Variants in CYP2F1 observed in about 807,000 individuals in gnomAD.
CYP2F1 encodes the protein cytochrome P450 2F1.
CYP2F1 carries 33 observed loss-of-function variants against 40.4 expected under a neutral mutation model. The observed-to-expected ratio is 0.82, with a 90% CI of 0.62 to 1.09. The LOEUF (loss-of-function observed/expected upper bound fraction) is 1.09. CYP2F1 is among the 50% of genes least tolerant of loss of function. The pLI is 0.00. For synonymous variants in CYP2F1, 235 were observed against 277.2 expected (o/e 0.85, Z 1.51); for missense variants, 566 against 655.7 (o/e 0.86, Z 1.49).
chr19:41,123,239 C>T (rs1599680600), intron 7 of CYP2F1: 1 of 535,840 alleles, frequency 1.9e-6, no homozygotes, highest in East Asian at 4.5e-5. Flanking sequence ...GCTCTGTCAC[C>T]CAGGCTGGAG....
intron 9 of CYP2F1, among the ~76,000 whole-genome samples, chr19:41,127,092 G>C (rs2032574467): frequency 6.6e-6 from 1 of 152,188 alleles, no homozygotes; most frequent in South Asian, 2.1e-4. Flanking sequence ...GATTCCAGCA[G>C]GGTTTGCATC....
chr19:41,124,840 C>G lies in CYP2F1; in HGVS notation c.1086C>G (p.Ile362Met). The stretch of plus-strand genomic sequence containing the variant: ...ACGAGGTGCAGCGCTTTGCAGACAT[C>G]ATCCCCATGAACTTGCCGCACCGCG... ...VIHEVQRFAD[I>M]IPMNLPHRVT... The change falls in exon 8 of 10, where the codon ATC (isoleucine) becomes ATG (methionine). Residue 362 changes from isoleucine to methionine, a missense_variant. Coordinates refer to ENST00000331105, the MANE Select transcript of CYP2F1 (RefSeq NM_000774.5). 1 of 1,611,758 alleles carries G rather than the reference C, an allele frequency of 6.2e-7. No homozygotes were observed. The highest frequency in any genetic ancestry group is 8.5e-7 in the Non-Finnish European group (1 of 1,179,864).
In CYP2F1 at chr19:41,127,911, G is replaced by A. The variant is rs778708556; in HGVS notation, c.1305G>A (p.Leu435=). ...CTGCCACCCCTGCAGGGCGCCGTCTGTGCCTGGGAGAGTCGCTGGCGCGCA... is the reference window on the plus strand; with the variant it reads ...CTGCCACCCCTGCAGGGCGCCGTCTATGCCTGGGAGAGTCGCTGGCGCGCA... ...AFMPFSAGRR[L]CLGESLARME... is the part of the protein sequence containing the mutation. The change falls in exon 10 of 10, where the codon CTG becomes CTA. Residue 435 remains leucine (L), a synonymous_variant. Coordinates refer to ENST00000331105, the MANE Select transcript of CYP2F1 (RefSeq NM_000774.5). 8 of 1,611,886 alleles carry A rather than the reference G, an allele frequency of 5.0e-6. No homozygotes were observed. Among genetic ancestry groups the A allele is most frequent in the Non-Finnish European group, 6.8e-6 (8 of 1,179,306 alleles).
intron 4 of CYP2F1, among the ~76,000 whole-genome samples, chr19:41,120,852 G>A (rs1007426658): frequency 2.7e-5 from 4 of 150,638 alleles, no homozygotes; most frequent in Admixed American, 2.0e-4. Flanking sequence ...ACAGAGTCTC[G>A]CTCTGTCCCC....
intron 7 of CYP2F1, chr19:41,123,449 C>G (rs536660673): frequency 7.1e-5 from 24 of 339,070 alleles, no homozygotes; most frequent in Admixed American, 2.4e-4. Flanking sequence ...AACTCCTGGC[C>G]TCAAGTGATC....
chr19:41,122,819 C>G lies in CYP2F1; in HGVS notation c.823-3C>G. ...TCACATCCCCACCCCTCTACCAATG[C>G]AGGAGAAGGAGGACCCACTGAGCCA... On this transcript the variant is annotated splice_polypyrimidine_tract_variant and splice_region_variant and intron_variant, in intron 6 of 9. Transcript: ENST00000331105. 2 of 1,530,402 alleles carry G rather than the reference C, an allele frequency of 1.3e-6. No homozygotes were observed. Among genetic ancestry groups the G allele is most frequent in the Non-Finnish European group, 1.8e-6 (2 of 1,138,332 alleles). 94.8% of individuals were successfully genotyped at this position (1,530,402 alleles called of 1,614,324 possible).
chr19:41,120,514 A>G lies in CYP2F1; in HGVS notation c.484+18A>G. 6.2e-7 allele frequency: 1 copy of G among 1,607,538 alleles called. No individual in the cohort carries two copies. Among genetic ancestry groups the G allele is most frequent in the Non-Finnish European group, 8.5e-7 (1 of 1,178,064 alleles). ...AACTGAAGGTCAGGAATTTTTTTTA[A>G]CAGGCTGGATGGCACGATCTTTTTT... On this transcript the variant is annotated intron_variant, in intron 4 of 9. Coordinates refer to ENST00000331105, the MANE Select transcript of CYP2F1 (RefSeq NM_000774.5).
intron 4 of CYP2F1, 114 bp downstream of exon 4, chr19:41,120,610 T>C (rs1434691640): frequency 1.8e-6 from 2 of 1,130,490 alleles, no homozygotes; most frequent in African/African-American, 1.6e-5. Context: ...ACCTCCCGAA[T>C]AGCTGGTACT....
At position 41,121,478 on chromosome 19, in the gene CYP2F1, T is replaced by C. The variant is rs778581075; in HGVS notation, c.505T>C (p.Phe169Leu). ...CTCAGGCGAGCCCTTTGACCCCACG[T>C]TTGTGCTGAGTCGCTCAGTGTCCAA... is the stretch of plus-strand genomic sequence containing the variant. ...KTEGEPFDPT[F>L]VLSRSVSNII... The change falls in exon 5 of 10, where the codon TTT (phenylalanine) becomes CTT (leucine). Residue 169 changes from phenylalanine (F) to leucine (L), a missense_variant. Coordinates refer to ENST00000331105, the MANE Select transcript of CYP2F1 (RefSeq NM_000774.5). 2.1e-5 allele frequency: 34 copies of C among 1,609,794 alleles called. 2 individuals carry two copies. Among genetic ancestry groups the C allele is most frequent in the Non-Finnish European group, 2.7e-5 (32 of 1,179,760 alleles).
chr19:41,126,801 T>G (rs552718099), intron 9 of CYP2F1, among the ~76,000 whole-genome samples: 2 of 152,046 alleles, frequency 1.3e-5, no homozygotes, highest in South Asian at 4.2e-4. Flanking sequence ...TATAAAAATT[T>G]TAAAAGAAAA....
In CYP2F1 at chr19:41,116,530, G is replaced by C. The variant is rs760208996; in HGVS notation, c.247G>C (p.Ala83Pro). The C allele has an allele frequency of 6.2e-7, 1 of 1,614,058 alleles. No individual in the cohort carries two copies. The highest frequency in any genetic ancestry group is 8.5e-7 in the Non-Finnish European group (1 of 1,179,988). ...GGTGGTGGTCCTCAGCGGGTACCAAGCTGTGAAGGAGGCCCTGGTGGACCA... is the reference window on the plus strand; with the variant it reads ...GGTGGTGGTCCTCAGCGGGTACCAACCTGTGAAGGAGGCCCTGGTGGACCA... The part of the protein sequence containing the change: ...RRVVVLSGYQ[A>P]VKEALVDQGE... Residue 83 changes from alanine (A) to proline (P), a missense_variant, in exon 3 of 10, where the codon GCT becomes CCT. Coordinates refer to ENST00000331105, the MANE Select transcript of CYP2F1 (RefSeq NM_000774.5).
intron 1 of CYP2F1, among the ~76,000 whole-genome samples, chr19:41,114,878 T>C (rs1410145227): frequency 6.9e-6 from 1 of 145,168 alleles, no homozygotes; most frequent in Non-Finnish European, 1.5e-5. Context: ...CAAGCGATTC[T>C]CCTGCCTCAG....
rs377717216 is a variant in CYP2F1 at position 41,119,549 on chromosome 19, C to A, written c.335-798C>A. 5.9e-5 allele frequency among the ~76,000 whole-genome samples: 9 copies of A among 151,812 alleles called. No homozygotes were observed. The East Asian group carries it at 1.8e-3, about 30-fold the overall frequency. On this transcript the variant is annotated intron_variant, in intron 3 of 9. Coordinates refer to ENST00000331105, the MANE Select transcript of CYP2F1 (RefSeq NM_000774.5). Reference sequence around the variant, plus strand: ...GGATCACGAGGTCAGGAGATCGAGACCATCCTTGCCATGCCTGTAATCCCA... The same window carrying A: ...GGATCACGAGGTCAGGAGATCGAGAACATCCTTGCCATGCCTGTAATCCCA...
chr19:41,120,272 CATGA>C (rs2032110005), intron 3 of CYP2F1, 71 bp from the exon 4 acceptor site: 3 of 1,420,242 alleles, frequency 2.1e-6, no homozygotes, highest in Non-Finnish European at 2.9e-6. Flanking sequence ...CAGCAAATAC[CATGA>C]AAGGGGACCT....
At position 41,120,860 on chromosome 19, in the gene CYP2F1, C is replaced by G. The variant is rs374756024; in HGVS notation, c.484+364C>G. Among the ~76,000 whole-genome samples, 66 of 151,754 alleles carry G rather than the reference C, an allele frequency of 4.3e-4. 2 individuals are homozygous for G. In the East Asian group the frequency reaches 0.013, roughly 29 times the overall value. On this transcript the variant is annotated intron_variant, in intron 4 of 9. Transcript: ENST00000331105. Reference sequence around the variant, plus strand: ...TTTTGAGACAGAGTCTCGCTCTGTCCCCCAGGCTGGAGTGCAATGGTGTGA... The same window carrying G: ...TTTTGAGACAGAGTCTCGCTCTGTCGCCCAGGCTGGAGTGCAATGGTGTGA...
intron 8 of CYP2F1, 40 bp downstream of exon 8, chr19:41,124,946 G>GGA: frequency 6.5e-7 from 1 of 1,548,784 alleles, no homozygotes; most frequent in Non-Finnish European, 8.7e-7. Context: ...CAACCTAAGA[G>GGA]GAGGCATCGC....
At chr19:41,120,673 G>A (rs958254658) in intron 4 of CYP2F1, among the ~76,000 whole-genome samples, 177 bp downstream of exon 4, 2 of 151,902 alleles carry the variant, frequency 1.3e-5, no homozygotes, top group Non-Finnish European at 1.5e-5. Flanking sequence ...GTAGAGACAG[G>A]GTCTCACTAT....
In CYP2F1 at chr19:41,128,201, C is replaced by A. The variant is rs2032622750; in HGVS notation, c.*119C>A. The A allele has an allele frequency of 5.1e-6, 5 of 984,328 alleles. No homozygotes were observed. In the East Asian group the frequency reaches 1.2e-4, roughly 23 times the overall value. The allele number at this position is 984,328 out of a possible 1,614,324, so 61.0% of individuals were successfully genotyped here. ...TCTGGCAGTCACGCTGTCTTCCCTG[C>A]ATGCTGTGCCTGCCGCGTGCCCTTC... On this transcript the variant is annotated 3_prime_UTR_variant, in exon 10 of 10. Transcript: ENST00000331105.
intron 4 of CYP2F1, among the ~76,000 whole-genome samples, chr19:41,120,976 G>A (rs759125925): frequency 3.3e-5 from 5 of 151,956 alleles, no homozygotes; most frequent in Admixed American, 6.6e-5. Context: ...GTGTACTAGC[G>A]TGTGTTGTGT....
Sources: gnomAD v4.1 joint callset for allele counts (sites outside exome capture counted in the v4.1 genomes callset) on GRCh38, gnomAD v4.1.1 for gene constraint, MANE v1.5 for transcripts, NCBI Gene and HGNC (gene_info 2026-07-23, HGNC 2026-07-21) for gene names.